The following CORIN variants were observed in gnomAD, a reference collection of about 807,000 sequenced individuals.
The protein encoded by CORIN is corin, serine peptidase.
In CORIN, 117 loss-of-function variants were observed where a neutral mutation model predicts 125.3. That is an observed-to-expected ratio of 0.93 (90% CI 0.80 to 1.09). CORIN has a LOEUF of 1.09. Ranked by LOEUF, CORIN falls within the 50% of genes least tolerant of loss-of-function variation. The pLI is 0.00. For synonymous variants in CORIN, 450 were observed against 466.4 expected (o/e 0.96, Z 0.45); for missense variants, 1,253 against 1,306.7 (o/e 0.96, Z 0.63).
chr4:47,619,102 A>C (rs906392018), intron 19 of CORIN, among the ~76,000 whole-genome samples: 2 of 152,192 alleles, frequency 1.3e-5, no homozygotes, highest in African/African-American at 2.4e-5. Context: ...GAAGTGGAAG[A>C]AAGCAGGAAA....
chr4:47,673,324 C>T (rs562339624), intron 10 of CORIN, among the ~76,000 whole-genome samples: 5 of 150,834 alleles, frequency 3.3e-5, no homozygotes, highest in South Asian at 2.1e-4. Flanking sequence ...TGCAGTGAGC[C>T]GATATCGTGC....
chr4:47,820,144 A>C (rs1263373048), intron 1 of CORIN, among the ~76,000 whole-genome samples: 4 of 152,200 alleles, frequency 2.6e-5, no homozygotes, highest in Admixed American at 6.5e-5. Flanking sequence ...ATGCCAGTTT[A>C]AATACATAGT....
At position 47,700,509 on chromosome 4, in the gene CORIN, C is replaced by T. The variant is rs549458619; in HGVS notation, c.800-7426G>A. On this transcript the variant is annotated intron_variant, in intron 5 of 21. Coordinates refer to ENST00000273857, the MANE Select transcript of CORIN (RefSeq NM_006587.4). ...GCATATTTTGCAGGGATCTCTCCCT[C>T]CTTAGGATGGTACAAGGATGCAAGG... 7.2e-5 allele frequency among the ~76,000 whole-genome samples: 11 copies of T among 152,280 alleles called. No homozygotes were observed. The South Asian group carries it at 2.1e-3, about 29-fold the overall frequency.
intron 2 of CORIN, among the ~76,000 whole-genome samples, chr4:47,796,218 C>G (rs1731281727): frequency 6.6e-6 from 1 of 151,928 alleles, no homozygotes. Flanking sequence ...TAAATGTCCA[C>G]TGATAGATGA....
chr4:47,617,324 G>A (rs551055545), intron 19 of CORIN, among the ~76,000 whole-genome samples: 19 of 152,324 alleles, frequency 1.2e-4, no homozygotes, highest in Non-Finnish European at 2.5e-4. Flanking sequence ...AGGTGCAGAT[G>A]CAACATACAT....
intron 10 of CORIN, among the ~76,000 whole-genome samples, chr4:47,670,009 T>C (rs1724672481): frequency 6.6e-6 from 1 of 152,228 alleles, no homozygotes; most frequent in African/African-American, 2.4e-5. Flanking sequence ...TTCTTTATAA[T>C]TTAACTATAG....
At chr4:47,739,222 A>G (rs905633974) in intron 5 of CORIN, among the ~76,000 whole-genome samples, 2 of 140,796 alleles carry the variant, frequency 1.4e-5, no homozygotes, top group East Asian at 2.1e-4. Flanking sequence ...ATTCAAATAA[A>G]CTCTAAAGGA....
At chr4:47,818,733 C>T (rs373549355) in intron 1 of CORIN, among the ~76,000 whole-genome samples, 20 of 152,084 alleles carry the variant, frequency 1.3e-4, no homozygotes, top group African/African-American at 3.4e-4. Flanking sequence ...ATTAGCCAGA[C>T]GTGGTGGTGC....
intron 13 of CORIN, among the ~76,000 whole-genome samples, chr4:47,649,328 T>C (rs1723632746): frequency 6.6e-6 from 1 of 152,224 alleles, no homozygotes; most frequent in African/African-American, 2.4e-5. Context: ...GAGTTTACTA[T>C]GTGAGCCAGA....
chr4:47,716,458 C>CA lies in CORIN; in HGVS notation c.800-23376dup, dbSNP rs1368405537. Among the ~76,000 whole-genome samples the CA allele has an allele frequency of 2.0e-5, 3 of 152,198 alleles. No individual in the cohort carries two copies. In the East Asian group the frequency reaches 5.8e-4, roughly 29 times the overall value. ...TCAAAGGGCTCTCTGATGGTGTTAGCAAAAAACCGTGTAAACACCCTTGCC... is the reference window on the plus strand; with the variant it reads ...TCAAAGGGCTCTCTGATGGTGTTAGCAAAAAAACCGTGTAAACACCCTTGCC... On this transcript the variant is annotated intron_variant, in intron 5 of 21. Transcript: ENST00000273857.
chr4:47,760,226 C>A (rs912021569), intron 4 of CORIN, among the ~76,000 whole-genome samples: 8 of 152,220 alleles, frequency 5.3e-5, no homozygotes, highest in African/African-American at 1.4e-4. Flanking sequence ...AAACAACATT[C>A]ATCTCCTCTT....
At chr4:47,617,834 G>T (rs1577741646) in intron 19 of CORIN, among the ~76,000 whole-genome samples, 1 of 152,162 alleles carries the variant, frequency 6.6e-6, no homozygotes, top group East Asian at 1.9e-4. Flanking sequence ...CCTTTTCTCA[G>T]TGCATTAAAA....
intron 5 of CORIN, among the ~76,000 whole-genome samples, chr4:47,706,172 T>C (rs1726541625): frequency 1.3e-5 from 2 of 152,216 alleles, no homozygotes; most frequent in African/African-American, 4.8e-5. Flanking sequence ...GTGATCTCAT[T>C]ACAAGATAAT....
At chr4:47,686,305 C>T (rs1725514681) in intron 6 of CORIN, among the ~76,000 whole-genome samples, 3 of 152,078 alleles carry the variant, frequency 2.0e-5, no homozygotes, top group South Asian at 2.1e-4. Context: ...CATATATACA[C>T]GTAAGTCCAT....
chr4:47,803,018 C>T (rs983506229), intron 2 of CORIN, among the ~76,000 whole-genome samples: 2 of 152,314 alleles, frequency 1.3e-5, no homozygotes, highest in Non-Finnish European at 2.9e-5. Context: ...ACCACCAAGG[C>T]AGTACCTTTC....
intron 5 of CORIN, among the ~76,000 whole-genome samples, chr4:47,703,340 A>T (rs1305742445): frequency 6.6e-6 from 1 of 152,212 alleles, no homozygotes; most frequent in African/African-American, 2.4e-5. Flanking sequence ...AAACTACCCC[A>T]GAATAATCAG....
At chr4:47,739,635 T>C (rs950335566) in intron 5 of CORIN, among the ~76,000 whole-genome samples, 2 of 151,916 alleles carry the variant, frequency 1.3e-5, no homozygotes, top group Admixed American at 1.3e-4. Context: ...GGTAATTAAA[T>C]AGGTAAAAGT....
Position 47,735,448 on chromosome 4 carries a change from G to A in CORIN, c.799+8954C>T, listed in dbSNP as rs61762918. On this transcript the variant is annotated intron_variant, in intron 5 of 21. Coordinates refer to ENST00000273857, the MANE Select transcript of CORIN (RefSeq NM_006587.4). The stretch of plus-strand genomic sequence containing the variant: ...ATCTGACAAGTAGAGGATCTCAGAT[G>A]AGTGTACTTCGGAAATTTCTGTTCT... Among the ~76,000 whole-genome samples the A allele has an allele frequency of 5.3e-3, 809 of 152,304 alleles. 3 individuals are homozygous for A. Among genetic ancestry groups the A allele is most frequent in the Middle Eastern group, 0.01 (3 of 294 alleles).
intron 3 of CORIN, among the ~76,000 whole-genome samples, chr4:47,779,425 CTTTTTTTTTTCT>C (rs916550687): frequency 2.8e-5 from 4 of 144,444 alleles, no homozygotes; most frequent in African/African-American, 1.1e-4. Context: ...GCTGCATATT[CTTTTTTTTTTCT>C]TTTTTTTTTT....
Sources: gnomAD v4.1 joint callset for allele counts (sites outside exome capture counted in the v4.1 genomes callset) on GRCh38, gnomAD v4.1.1 for gene constraint, MANE v1.5 for transcripts, NCBI Gene and HGNC (gene_info 2026-07-23, HGNC 2026-07-21) for gene names.